The following GPR180 variants were observed in gnomAD, a reference collection of about 807,000 sequenced individuals.
GPR180 encodes the protein integral membrane protein GPR180.
GPR180 carries 53 observed loss-of-function variants against 52.6 expected under a neutral mutation model. The observed-to-expected ratio is 1.01, with a 90% CI of 0.81 to 1.27. The LOEUF is 1.27. GPR180 is among the 50% of genes most tolerant of loss of function. The pLI is 0.00. For synonymous variants in GPR180, 200 were observed against 193.1 expected, an observed-to-expected ratio of 1.04 and a Z score of -0.30; for missense variants, 533 against 527.0, an observed-to-expected ratio of 1.01 and a Z score of -0.11.
chr13:94,618,534 G>T (rs1889810164), intron 3 of GPR180, among the ~76,000 whole-genome samples: 1 of 148,636 alleles, frequency 6.7e-6, no homozygotes, highest in South Asian at 2.1e-4. Context: ...CAAGGTATTG[G>T]GACATTCCAG....
chr13:94,621,299 C>G, intron 6 of GPR180, 64 bp downstream of exon 6: 1 of 1,284,902 alleles, frequency 7.8e-7, no homozygotes, highest in Non-Finnish European at 1.0e-6. Context: ...GAGCATACCT[C>G]ATTTCAGAAT....
chr13:94,613,005 A>G (rs1056362034), intron 3 of GPR180, among the ~76,000 whole-genome samples: 2 of 152,186 alleles, frequency 1.3e-5, no homozygotes, highest in South Asian at 2.1e-4. Flanking sequence ...TTAGGTAACT[A>G]TGTTCTGTCC....
At chr13:94,620,817 G>A (rs1177565805) in intron 5 of GPR180, among the ~76,000 whole-genome samples, 1 of 152,060 alleles carries the variant, frequency 6.6e-6, no homozygotes, top group African/African-American at 2.4e-5. Context: ...TGGACATATG[G>A]TATGGGCATA....
chr13:94,601,932 G>A lies in GPR180; in HGVS notation c.5G>A (p.Gly2Glu), dbSNP rs182938123. The A allele has an allele frequency of 2.7e-6, 4 of 1,490,316 alleles. No individual in the cohort carries two copies. Among genetic ancestry groups the A allele is most frequent in the Non-Finnish European group, 3.6e-6 (4 of 1,125,376 alleles). 92.3% of individuals were successfully genotyped at this position (1,490,316 alleles called of 1,614,324 possible). The stretch of plus-strand genomic sequence containing the variant: ...GGTGCAGACCTGGAGACGGGCATGG[G>A]GGGGCTGCGGCTGCTGGCTGTGGCC... M[G>E]GLRLLAVALT... is the part of the protein sequence containing the mutation. The change falls in exon 1 of 9, where the codon GGG (glycine) becomes GAG (glutamate). Residue 2 changes from glycine to glutamate, a missense_variant. Gly to Glu is a moderately conservative substitution (Grantham distance 98, BLOSUM62 -2). Transcript: ENST00000376958.
At chr13:94,623,045 GA>G (rs1274579781) in intron 6 of GPR180, 63 bp from the exon 7 acceptor site, 8 of 1,233,234 alleles carry the variant, frequency 6.5e-6, no homozygotes, top group Admixed American at 2.0e-5. Flanking sequence ...TTAAAGAGTT[GA>G]AAAAAATATT....
intron 2 of GPR180, among the ~76,000 whole-genome samples, chr13:94,609,154 T>G (rs913778233): frequency 6.6e-6 from 1 of 152,228 alleles, no homozygotes; most frequent in African/African-American, 2.4e-5. Context: ...ATTCCTTTTG[T>G]AGTTTGGTAT....
At chr13:94,622,965 C>T in intron 6 of GPR180, 144 bp from the exon 7 acceptor site, 1 of 607,160 alleles carries the variant, frequency 1.6e-6, no homozygotes, top group Middle Eastern at 4.4e-4. Flanking sequence ...GATGAAAAGA[C>T]TGTACTTTAT....
chr13:94,626,887 C>T, intron 8 of GPR180, 126 bp from the exon 9 acceptor site: 1 of 714,688 alleles, frequency 1.4e-6, no homozygotes, highest in Non-Finnish European at 2.1e-6. Flanking sequence ...ATAAAATGTA[C>T]CTATGGTAAA....
rs1566984361 is a variant in GPR180 at position 94,627,230 on chromosome 13, A to G, written c.*59A>G. The G allele has an allele frequency of 7.6e-6, 11 of 1,444,324 alleles. No homozygotes were observed. In the South Asian group the frequency reaches 9.8e-5, roughly 13 times the overall value. The allele number at this position is 1,444,324 out of a possible 1,614,324, so 89.5% of individuals were successfully genotyped here. A position where few individuals can be genotyped will look rare whatever the true frequency, so the allele number is the denominator to read the frequency against. The stretch of plus-strand genomic sequence containing the variant: ...GTTAAAAGAGTGCAATAAGGATCCA[A>G]ATACAGTGACTTTTTTTTCATACAT... On this transcript the variant is annotated 3_prime_UTR_variant, in exon 9 of 9. Coordinates refer to ENST00000376958, the MANE Select transcript of GPR180 (RefSeq NM_180989.6).
rs531543807 is a variant in GPR180 at position 94,626,868 on chromosome 13, A to C, written c.1165-145A>C. On this transcript the variant is annotated intron_variant, in intron 8 of 8. Coordinates refer to ENST00000376958, the MANE Select transcript of GPR180 (RefSeq NM_180989.6). ...TAGAGTTCTGAGCATTAGTCAGAAA[A>C]TTTTTTTGATAAAATGTACCTATGG... is the stretch of plus-strand genomic sequence containing the variant. 4 of 618,854 alleles carry C rather than the reference A, an allele frequency of 6.5e-6. No homozygotes were observed. The South Asian group carries it at 1.4e-4, about 21-fold the overall frequency. The allele number at this position is 618,854 out of a possible 1,614,324, so 38.3% of individuals were successfully genotyped here.
intron 3 of GPR180, among the ~76,000 whole-genome samples, chr13:94,618,042 C>T (rs929958315): frequency 6.6e-6 from 1 of 152,190 alleles, no homozygotes; most frequent in Non-Finnish European, 1.5e-5. Context: ...TACATGAAGA[C>T]TGTACTAAAA....
chr13:94,610,229 A>G (rs150126430), intron 2 of GPR180, among the ~76,000 whole-genome samples: 5 of 152,332 alleles, frequency 3.3e-5, no homozygotes, highest in African/African-American at 9.6e-5. Flanking sequence ...GAGTAATTCT[A>G]TAATGTCCTC....
intron 3 of GPR180, among the ~76,000 whole-genome samples, chr13:94,617,551 A>C (rs551584540): frequency 6.6e-6 from 1 of 152,312 alleles, no homozygotes; most frequent in East Asian, 1.9e-4. Flanking sequence ...TTAACTGTCC[A>C]CATTTATATT....
chr13:94,607,978 A>C (rs114588225), intron 2 of GPR180, among the ~76,000 whole-genome samples: 4,235 of 152,238 alleles, frequency 0.028, 203 homozygotes, highest in African/African-American at 0.095. Context: ...GACTTTTTCT[A>C]TCTCCAACAA....
intron 3 of GPR180, among the ~76,000 whole-genome samples, chr13:94,618,071 G>A (rs1889800458): frequency 6.6e-6 from 1 of 152,208 alleles, no homozygotes; most frequent in South Asian, 2.1e-4. Flanking sequence ...GTAGGCACTA[G>A]AGGCTGCTCT....
chr13:94,633,513 G>A lies in GPR180; in HGVS notation c.*6342G>A, dbSNP rs904876093. ...TTGTTTTAAAACCATTTTCTTTCCA[G>A]TTCTACGATCTGTTAACATATTTTT... is the stretch of plus-strand genomic sequence containing the variant. On this transcript the variant is annotated 3_prime_UTR_variant, in exon 9 of 9. Coordinates refer to ENST00000376958, the MANE Select transcript of GPR180 (RefSeq NM_180989.6). The A allele has an allele frequency of 1.3e-5, 2 of 151,698 alleles. No homozygotes were observed. Among genetic ancestry groups the A allele is most frequent in the African/African-American group, 4.8e-5 (2 of 41,250 alleles). 9.4% of individuals were successfully genotyped at this position (151,698 alleles called of 1,614,324 possible).
rs535098803 is a variant in GPR180 at position 94,630,030 on chromosome 13, G to A, written c.*2859G>A. The A allele has an allele frequency of 6.6e-6, 1 of 152,308 alleles. No homozygotes were observed. The highest frequency in any genetic ancestry group is 2.1e-4 in the South Asian group (1 of 4,830). The allele number at this position is 152,308 out of a possible 1,614,324, so 9.4% of individuals were successfully genotyped here. A position where few individuals can be genotyped will look rare whatever the true frequency, so the allele number is the denominator to read the frequency against. On this transcript the variant is annotated 3_prime_UTR_variant, in exon 9 of 9. Coordinates refer to ENST00000376958, the MANE Select transcript of GPR180 (RefSeq NM_180989.6). ...GCTTCTGTGGTATCAAATCATTGAG[G>A]TTGTTTTTTGTTTGTTTTGAGAATT...
chr13:94,623,103 T>C lies in GPR180; in HGVS notation c.895-6T>C. The C allele has an allele frequency of 6.2e-7, 1 of 1,600,150 alleles. No individual in the cohort carries two copies. The highest frequency in any genetic ancestry group is 8.5e-7 in the Non-Finnish European group (1 of 1,172,366). ...TCCTAAATGTAATATTGTTTTTCTT[T>C]TGCAGAGTGTTTTGCTACTTTGGGA... is the stretch of plus-strand genomic sequence containing the variant. On this transcript the variant is annotated splice_polypyrimidine_tract_variant and splice_region_variant and intron_variant, in intron 6 of 8. Coordinates refer to ENST00000376958, the MANE Select transcript of GPR180 (RefSeq NM_180989.6).
intron 2 of GPR180, among the ~76,000 whole-genome samples, chr13:94,608,652 C>A (rs533317947): frequency 6.6e-6 from 1 of 152,152 alleles, no homozygotes; most frequent in East Asian, 1.9e-4. Flanking sequence ...AAACAAAAAG[C>A]ATATCCTTAA....
Sources: gnomAD v4.1 joint callset for allele counts (sites outside exome capture counted in the v4.1 genomes callset) on GRCh38, gnomAD v4.1.1 for gene constraint, MANE v1.5 for transcripts, NCBI Gene and HGNC (gene_info 2026-07-23, HGNC 2026-07-21) for gene names.